The following SPIDR variants were observed in gnomAD, a reference collection of about 807,000 sequenced individuals.
The protein encoded by SPIDR is scaffold protein involved in DNA repair, also known as DNA repair-scaffolding protein.
A neutral mutation model predicts 104.6 loss-of-function variants in SPIDR; 93 were observed. The observed-to-expected ratio is 0.89, with a 90% CI of 0.75 to 1.06. The LOEUF (loss-of-function observed/expected upper bound fraction) is 1.06, where lower values mean the gene tolerates loss of function less well. Among genes scored for constraint, SPIDR ranks in the 50% least tolerant of loss-of-function variants. The probability of loss-of-function intolerance (pLI) is 0.00; values close to 1 mark genes in which losing one functional copy is unlikely to be tolerated. For missense variants in SPIDR, 1,154 were observed against 1,111.2 expected (o/e 1.04, Z -0.55); for synonymous variants, 431 against 416.9 (o/e 1.03, Z -0.41).
intron 5 of SPIDR, among the ~76,000 whole-genome samples, chr8:47,356,237 CT>C (rs2054518334): frequency 1.3e-5 from 2 of 152,162 alleles, no homozygotes; most frequent in South Asian, 4.1e-4. Flanking sequence ...TGATATTATA[CT>C]TTTTGGTTTA....
At chr8:47,501,644 C>T (rs1303468211) in intron 8 of SPIDR, among the ~76,000 whole-genome samples, 1 of 152,140 alleles carries the variant, frequency 6.6e-6, no homozygotes, top group Admixed American at 6.5e-5. Flanking sequence ...TTTCTTTCTC[C>T]TGCCTGATTG....
At chr8:47,641,195 T>C (rs2068916836) in intron 10 of SPIDR, among the ~76,000 whole-genome samples, 1 of 152,120 alleles carries the variant, frequency 6.6e-6, no homozygotes, top group South Asian at 2.1e-4. Context: ...AGGATCTCAC[T>C]GTCACGCAGA....
intron 8 of SPIDR, among the ~76,000 whole-genome samples, chr8:47,497,790 A>G (rs1586710615): frequency 6.6e-6 from 1 of 152,172 alleles, no homozygotes; most frequent in East Asian, 1.9e-4. Flanking sequence ...ATAGTGTTTT[A>G]GAGGGCTTGG....
At chr8:47,587,706 TC>T (rs1006349911) in intron 8 of SPIDR, among the ~76,000 whole-genome samples, 4 of 150,240 alleles carry the variant, frequency 2.7e-5, no homozygotes, top group African/African-American at 7.4e-5. Flanking sequence ...AGCAGGAAGA[TC>T]ACCTGATCCC....
chr8:47,536,502 G>T (rs2086944146), intron 8 of SPIDR, among the ~76,000 whole-genome samples: 1 of 152,108 alleles, frequency 6.6e-6, no homozygotes, highest in Non-Finnish European at 1.5e-5. Context: ...TGACAAAGAA[G>T]CAAAGGATAT....
At chr8:47,456,763 AC>A (rs2073052394) in intron 8 of SPIDR, among the ~76,000 whole-genome samples, 1 of 151,634 alleles carries the variant, frequency 6.6e-6, no homozygotes, top group Non-Finnish European at 1.5e-5. Flanking sequence ...CCCACTTCCC[AC>A]CCTTCCCCAA....
At chr8:47,357,062 A>C (rs543585483) in intron 5 of SPIDR, among the ~76,000 whole-genome samples, 3 of 152,354 alleles carry the variant, frequency 2.0e-5, no homozygotes, top group African/African-American at 7.2e-5. Flanking sequence ...TCTTAGAATT[A>C]GATCATAAGA....
chr8:47,632,632 T>C (rs898371706), intron 10 of SPIDR, among the ~76,000 whole-genome samples: 4 of 152,214 alleles, frequency 2.6e-5, no homozygotes, highest in Non-Finnish European at 4.4e-5. Flanking sequence ...TCATTCCCAC[T>C]GCACAGCATT....
At chr8:47,683,845 G>A (rs2077397161) in intron 11 of SPIDR, among the ~76,000 whole-genome samples, 1 of 152,048 alleles carries the variant, frequency 6.6e-6, no homozygotes, top group South Asian at 2.1e-4. Flanking sequence ...AACCCAATTT[G>A]GCCGGGCATG....
chr8:47,458,234 T>C (rs2073328131), intron 8 of SPIDR, among the ~76,000 whole-genome samples: 1 of 152,180 alleles, frequency 6.6e-6, no homozygotes, highest in East Asian at 1.9e-4. Flanking sequence ...GTGTTTACAT[T>C]TGTTTGTGTC....
At chr8:47,715,215 C>T (rs2082403041) in intron 16 of SPIDR, among the ~76,000 whole-genome samples, 1 of 151,998 alleles carries the variant, frequency 6.6e-6, no homozygotes, top group South Asian at 2.1e-4. Flanking sequence ...CTCGCTCTGT[C>T]ACCCAGGCTG....
intron 5 of SPIDR, among the ~76,000 whole-genome samples, chr8:47,379,841 C>T (rs1008523894): frequency 1.3e-5 from 2 of 152,138 alleles, no homozygotes; most frequent in African/African-American, 4.8e-5. Context: ...GTGAGGAGCA[C>T]CCCCTGGGCC....
intron 10 of SPIDR, among the ~76,000 whole-genome samples, chr8:47,629,433 G>A (rs1212795227): frequency 6.6e-6 from 1 of 152,204 alleles, no homozygotes; most frequent in Non-Finnish European, 1.5e-5. Flanking sequence ...CTAGATAGAT[G>A]GATGTGGCTG....
At chr8:47,722,086 G>T (rs2083484629) in intron 16 of SPIDR, among the ~76,000 whole-genome samples, 1 of 152,084 alleles carries the variant, frequency 6.6e-6, no homozygotes, top group Admixed American at 6.5e-5. Context: ...TCCTCATACA[G>T]ATCTTGTACA....
chr8:47,624,947 T>C (rs2065809646), intron 10 of SPIDR, among the ~76,000 whole-genome samples: 1 of 152,170 alleles, frequency 6.6e-6, no homozygotes, highest in Non-Finnish European at 1.5e-5. Flanking sequence ...AAGAGAATTT[T>C]AGACCAATGT....
At chr8:47,697,969 C>G (rs1222881210) in intron 11 of SPIDR, 1 of 152,184 alleles carries the variant, frequency 6.6e-6, no homozygotes, top group Non-Finnish European at 1.5e-5. Context: ...CTCTCCTTGT[C>G]TGCTCCACAA....
chr8:47,713,263 C>CAT (rs2082123667), intron 15 of SPIDR: 4 of 623,358 alleles, frequency 6.4e-6, no homozygotes, highest in Non-Finnish European at 1.1e-5. Context: ...TCACATGCCA[C>CAT]ATAATTTACC....
intron 8 of SPIDR, among the ~76,000 whole-genome samples, chr8:47,461,843 A>T: frequency 6.6e-6 from 1 of 150,884 alleles, no homozygotes; most frequent in Non-Finnish European, 1.5e-5. Context: ...TATTTCCTTA[A>T]ATTGGACTTT....
Position 47,680,479 on chromosome 8 carries a change from A to G in SPIDR, c.1685+6538A>G, listed in dbSNP as rs369960587. ...AGTGCTGGAGAGGGAACCCTTAGGA[A>G]TCATTCCACACAAGTTTACTGGGCC... On this transcript the variant is annotated intron_variant, in intron 11 of 19. Transcript: ENST00000297423. Among the ~76,000 whole-genome samples the G allele has an allele frequency of 3.9e-3, 589 of 152,276 alleles. 3 individuals are homozygous for G. The highest frequency in any genetic ancestry group is 0.023 in the South Asian group (109 of 4,824).
Sources: gnomAD v4.1 joint callset for allele counts (sites outside exome capture counted in the v4.1 genomes callset) on GRCh38, gnomAD v4.1.1 for gene constraint, MANE v1.5 for transcripts, NCBI Gene and HGNC (gene_info 2026-07-23, HGNC 2026-07-21) for gene names.